The following SHF variants were observed in gnomAD, a reference collection of about 807,000 sequenced individuals.
SHF encodes the protein SH2 domain-containing adapter protein F.
A neutral mutation model predicts 42.4 loss-of-function variants in SHF; 30 were observed. That is an observed-to-expected ratio of 0.71 (90% CI 0.53 to 0.96). SHF has a LOEUF of 0.96. Ranked by LOEUF, SHF falls within the 40% of genes least tolerant of loss-of-function variation. SHF has a pLI of 0.00. For missense variants in SHF, 598 were observed against 634.0 expected, an observed-to-expected ratio of 0.94 and a Z score of 0.61; for synonymous variants, 264 against 269.9, an observed-to-expected ratio of 0.98 and a Z score of 0.21.
chr15:45,185,581 T>C (rs748750037), intron 1 of SHF, among the ~76,000 whole-genome samples: 2 of 152,222 alleles, frequency 1.3e-5, no homozygotes, highest in African/African-American at 4.8e-5. Context: ...ATTGTATGGC[T>C]CCTGGGAGAG....
chr15:45,167,861 C>A lies in SHF; in HGVS notation c.*86G>T, dbSNP rs1360215238. The A allele has an allele frequency of 2.3e-6, 3 of 1,276,980 alleles. No homozygotes were observed. Among genetic ancestry groups the A allele is most frequent in the Non-Finnish European group, 3.1e-6 (3 of 961,888 alleles). 79.1% of individuals were successfully genotyped at this position (1,276,980 alleles called of 1,614,324 possible). A position where few individuals can be genotyped will look rare whatever the true frequency, so the allele number is the denominator to read the frequency against. ...CCAGGAGAAGAAAGGTTTGAAAGAT[C>A]ACGTCCCTGGCAAGAGCCACAGCCC... On this transcript the variant is annotated 3_prime_UTR_variant, in exon 7 of 7. Coordinates refer to ENST00000690270, the MANE Select transcript of SHF (RefSeq NM_001394037.1).
intron 1 of SHF, among the ~76,000 whole-genome samples, chr15:45,186,022 T>C (rs1567038542): frequency 6.6e-6 from 1 of 152,340 alleles, no homozygotes; most frequent in African/African-American, 2.4e-5. Flanking sequence ...AGGCCCATGT[T>C]GCCTGTGCCA....
In SHF at chr15:45,178,325, G is replaced by A. The variant is rs1897936825; in HGVS notation, c.499-19C>T. 6.2e-7 allele frequency: 1 copy of A among 1,609,034 alleles called. No individual in the cohort carries two copies. Among genetic ancestry groups the A allele is most frequent in the Admixed American group, 1.7e-5 (1 of 59,358 alleles). Reference sequence around the variant, plus strand: ...TAGCTAGCTGTGGGAGGAGAGTGAAGAGAGTGGGCTTCAGGGAGCAGAGAG... The same window carrying A: ...TAGCTAGCTGTGGGAGGAGAGTGAAAAGAGTGGGCTTCAGGGAGCAGAGAG... On this transcript the variant is annotated intron_variant, in intron 1 of 6. Coordinates refer to ENST00000690270, the MANE Select transcript of SHF (RefSeq NM_001394037.1).
At chr15:45,169,881 C>T (rs1201211080) in intron 6 of SHF, among the ~76,000 whole-genome samples, 1 of 152,228 alleles carries the variant, frequency 6.6e-6, no homozygotes, top group Admixed American at 6.5e-5. Context: ...GCTGCAGGAC[C>T]AGGCTGGCAA....
upstream of SHF, among the ~76,000 whole-genome samples, chr15:45,189,538 G>A (rs1052585925): frequency 9.2e-5 from 14 of 151,776 alleles, no homozygotes; most frequent in African/African-American, 3.1e-4. Flanking sequence ...ACAAGCGTGC[G>A]CCACCACACC....
chr15:45,178,260 G>A lies in SHF; in HGVS notation c.545C>T (p.Thr182Ile), dbSNP rs372747138. 2 of 1,614,022 alleles carry A rather than the reference G, an allele frequency of 1.2e-6. No individual in the cohort carries two copies. The highest frequency in any genetic ancestry group is 1.3e-5 in the African/African-American group (1 of 75,056). The change falls in exon 2 of 7, where the codon ACT becomes ATT. Residue 182 changes from threonine to isoleucine, a missense_variant. By Grantham distance (89) the Thr-to-Ile change is moderately conservative. Coordinates refer to ENST00000690270, the MANE Select transcript of SHF (RefSeq NM_001394037.1). Reference protein sequence around the residue: ...DYADPFDVQETGEGSAGASGA... With the variant: ...DYADPFDVQEIGEGSAGASGA... Reference sequence around the variant, plus strand: ...TGAAGCTCCTGCTGAGCCTTCGCCAGTCTCCTGAACATCAAACGGGTCCGC... The same window carrying A: ...TGAAGCTCCTGCTGAGCCTTCGCCAATCTCCTGAACATCAAACGGGTCCGC...
chr15:45,198,855 G>A (rs1022413173), exon 2 of SHF: 1 of 1,614,000 alleles, frequency 6.2e-7, no homozygotes, highest in South Asian at 1.1e-5. Context: ...TTCTGTTTTG[G>A]CCCATTAGCC....
chr15:45,188,618 C>T (rs1288795202), upstream of SHF, among the ~76,000 whole-genome samples: 1 of 152,254 alleles, frequency 6.6e-6, no homozygotes, highest in African/African-American at 2.4e-5. Flanking sequence ...CGTTTTCACA[C>T]ACGCCCTTCT....
intron 2 of SHF, chr15:45,198,742 A>G: frequency 6.3e-7 from 1 of 1,593,904 alleles, no homozygotes; most frequent in Non-Finnish European, 8.5e-7. Context: ...AGGCCTTCCC[A>G]GTTTGCGCGT....
upstream of SHF, among the ~76,000 whole-genome samples, chr15:45,192,252 TTTTTA>T (rs149216776): frequency 0.049 from 7,438 of 151,500 alleles, 628 homozygotes; most frequent in African/African-American, 0.17. Flanking sequence ...TTTTTTTCTT[TTTTTA>T]TTTTGTTTTT....
chr15:45,172,078 C>G (rs758937207), intron 5 of SHF, 69 bp downstream of exon 5: 1 of 1,613,706 alleles, frequency 6.2e-7, no homozygotes, highest in Non-Finnish European at 8.5e-7. Context: ...GTGGGTGTCC[C>G]CTGTAGGGAA....
intron 1 of SHF, among the ~76,000 whole-genome samples, chr15:45,182,050 C>T (rs1259432049): frequency 6.6e-6 from 1 of 152,138 alleles, no homozygotes; most frequent in African/African-American, 2.4e-5. Flanking sequence ...TGGGCATTAC[C>T]CCTCCCAGAG....
At chr15:45,197,420 T>C (rs527846476) in intron 2 of SHF, among the ~76,000 whole-genome samples, 1 of 152,272 alleles carries the variant, frequency 6.6e-6, no homozygotes, top group African/African-American at 2.4e-5. Context: ...CTAACTGTAG[T>C]GGTTTGTGAC....
At chr15:45,185,261 G>A (rs1004916147) in intron 1 of SHF, among the ~76,000 whole-genome samples, 4 of 152,226 alleles carry the variant, frequency 2.6e-5, no homozygotes, top group Non-Finnish European at 4.4e-5. Context: ...AGAGAAGGAG[G>A]AACAGAAAAC....
chr15:45,187,406 C>A, intron 1 of SHF, 48 bp downstream of exon 1: 1 of 1,231,362 alleles, frequency 8.1e-7, no homozygotes, highest in Non-Finnish European at 1.0e-6. Flanking sequence ...GCCTCCAGAC[C>A]CCTGACCGCC....
At chr15:45,198,146 C>T (rs58802265) in intron 2 of SHF, among the ~76,000 whole-genome samples, 21 of 151,954 alleles carry the variant, frequency 1.4e-4, no homozygotes, top group Non-Finnish European at 2.8e-4. Flanking sequence ...TGGTGGTGCA[C>T]GCCTGTAGTA....
chr15:45,167,801 G>C lies in SHF; in HGVS notation c.*146C>G, dbSNP rs1018879179. 10 of 757,270 alleles carry C rather than the reference G, an allele frequency of 1.3e-5. No individual in the cohort carries two copies. The highest frequency in any genetic ancestry group is 1.9e-5 in the Non-Finnish European group (10 of 523,994). 46.9% of individuals were successfully genotyped at this position (757,270 alleles called of 1,614,324 possible). On this transcript the variant is annotated 3_prime_UTR_variant, in exon 7 of 7. Transcript: ENST00000690270. ...AGGCCCCAGGAGCCCTTTCCCTTTA[G>C]AATAAATTAAGGAATCTCCAGCTTC... is the stretch of plus-strand genomic sequence containing the variant.
At chr15:45,198,896 C>T (rs775145088) in exon 2 of SHF, 48 of 1,613,896 alleles carry the variant, frequency 3.0e-5, no homozygotes, top group Non-Finnish European at 3.9e-5. Flanking sequence ...GATGGGCTCC[C>T]GGTGAGCGCA....
chr15:45,188,231 C>T (rs1567040604), upstream of SHF, among the ~76,000 whole-genome samples: 1 of 152,166 alleles, frequency 6.6e-6, no homozygotes, highest in Non-Finnish European at 1.5e-5. Context: ...CGTGTCGCCA[C>T]GCGGTCCCCT....
Sources: gnomAD v4.1 joint callset for allele counts (sites outside exome capture counted in the v4.1 genomes callset) on GRCh38, gnomAD v4.1.1 for gene constraint, MANE v1.5 for transcripts, NCBI Gene and HGNC (gene_info 2026-07-23, HGNC 2026-07-21) for gene names.